The following TTC1 variants were observed in gnomAD, a reference collection of about 807,000 sequenced individuals.
TTC1 encodes the protein tetratricopeptide repeat domain 1.
TTC1 carries 31 observed loss-of-function variants against 37.6 expected under a neutral mutation model. That is an observed-to-expected ratio of 0.82 (90% confidence interval 0.62 to 1.11). TTC1 has a LOEUF of 1.11. TTC1 is among the 50% of genes most tolerant of loss of function. TTC1 has a pLI of 0.00. For synonymous variants in TTC1, 127 were observed against 122.4 expected (o/e 1.04, Z -0.25); for missense variants, 351 against 339.0 (o/e 1.04, Z -0.28).
At chr5:160,010,257 C>CAAAA (rs397882520) in intron 1 of TTC1, among the ~76,000 whole-genome samples, 15 of 50,250 alleles carry the variant, frequency 3.0e-4, no homozygotes, top group African/African-American at 3.9e-4. Context: ...GATTAAGTCT[C>CAAAA]AAAAAAAAAA....
chr5:160,060,372 C>A (rs10065759), intron 7 of TTC1, among the ~76,000 whole-genome samples: 1 of 152,014 alleles, frequency 6.6e-6, no homozygotes. Context: ...CAACTGAACC[C>A]AGTGGCAAGC....
intron 2 of TTC1, among the ~76,000 whole-genome samples, chr5:160,018,804 G>T (rs1030945979): frequency 2.0e-5 from 3 of 152,162 alleles, no homozygotes; most frequent in Non-Finnish European, 2.9e-5. Context: ...GCCCAATTAG[G>T]CTCTAATGCA....
At chr5:160,032,569 A>G (rs1023371555) in intron 2 of TTC1, among the ~76,000 whole-genome samples, 1 of 152,158 alleles carries the variant, frequency 6.6e-6, no homozygotes, top group Non-Finnish European at 1.5e-5. Context: ...TCTTAAATCT[A>G]GATTGAGTGA....
In TTC1 at chr5:160,031,085, A is replaced by G. The variant is rs536605977; in HGVS notation, c.331-4055A>G. 1.6e-3 allele frequency among the ~76,000 whole-genome samples: 238 copies of G among 152,224 alleles called. 3 individuals are homozygous for G. Among genetic ancestry groups the G allele is most frequent in the African/African-American group, 5.5e-3 (230 of 41,544 alleles). On this transcript the variant is annotated intron_variant, in intron 2 of 7. Coordinates refer to ENST00000231238, the MANE Select transcript of TTC1 (RefSeq NM_003314.3). ...GAAAGAATGTATTCAGCAGAAAAAA[A>G]CTCCAGTCTTTGTACTGGGATCATC...
In TTC1 at chr5:160,065,289, C is replaced by T. The variant is rs2113432736; in HGVS notation, c.*224C>T. 2 of 710,798 alleles carry T rather than the reference C, an allele frequency of 2.8e-6. No individual in the cohort carries two copies. Among genetic ancestry groups the T allele is most frequent in the Non-Finnish European group, 4.9e-6 (2 of 409,040 alleles). 44.0% of individuals were successfully genotyped at this position (710,798 alleles called of 1,614,324 possible). Reference sequence around the variant, plus strand: ...TTTCCATTTTAAGGTGGTGTCTGTGCAGCTGGTGTCCCCGATTCTGGCTGT... The same window carrying T: ...TTTCCATTTTAAGGTGGTGTCTGTGTAGCTGGTGTCCCCGATTCTGGCTGT... On this transcript the variant is annotated 3_prime_UTR_variant, in exon 8 of 8. Coordinates refer to ENST00000231238, the MANE Select transcript of TTC1 (RefSeq NM_003314.3).
At chr5:160,039,169 C>T (rs1319850559) in intron 4 of TTC1, 3 of 152,068 alleles carry the variant, frequency 2.0e-5, no homozygotes, top group Non-Finnish European at 2.9e-5. Flanking sequence ...CCCCTGGCCA[C>T]GCTTCACATT....
chr5:160,043,498 G>C (rs1274263314), intron 5 of TTC1, among the ~76,000 whole-genome samples: 1 of 152,170 alleles, frequency 6.6e-6, no homozygotes, highest in Non-Finnish European at 1.5e-5. Context: ...TCGGGAGGCT[G>C]AAGTGGATCA....
chr5:160,021,155 A>G (rs1756698373), intron 2 of TTC1, among the ~76,000 whole-genome samples: 1 of 152,154 alleles, frequency 6.6e-6, no homozygotes, highest in South Asian at 2.1e-4. Context: ...TTAACCATGC[A>G]CAGCCTGAGA....
intron 7 of TTC1, among the ~76,000 whole-genome samples, chr5:160,052,099 G>A (rs535877210): frequency 9.2e-5 from 14 of 152,318 alleles, no homozygotes; most frequent in Admixed American, 4.6e-4. Context: ...GGCCCCTGCC[G>A]GGTAGACTCA....
chr5:160,037,576 CATG>C (rs1333984292), intron 4 of TTC1, among the ~76,000 whole-genome samples: 3 of 152,132 alleles, frequency 2.0e-5, no homozygotes, highest in African/African-American at 7.2e-5. Context: ...ATTAGCCAGG[CATG>C]GTGGTGGGCA....
rs1043081341 is a variant in TTC1 at position 160,064,873 on chromosome 5, G to A, written c.746-59G>A. On this transcript the variant is annotated intron_variant, in intron 7 of 7. Transcript: ENST00000231238. ...CTCAGTGGTAAGGCAAGATTAATTG[G>A]TACCTTCCTGCTTCTGTTCATTCCT... 2.6e-5 allele frequency: 41 copies of A among 1,548,704 alleles called. No homozygotes were observed. The African/African-American group carries it at 4.2e-4, about 16-fold the overall frequency.
intron 4 of TTC1, among the ~76,000 whole-genome samples, chr5:160,040,889 C>T (rs1411155478): frequency 2.0e-5 from 3 of 151,826 alleles, no homozygotes; most frequent in African/African-American, 7.3e-5. Flanking sequence ...GAATTATAGG[C>T]GTGAGCTACT....
chr5:160,040,828 T>C (rs1177047908), intron 4 of TTC1, among the ~76,000 whole-genome samples: 1 of 152,012 alleles, frequency 6.6e-6, no homozygotes, highest in Admixed American at 6.5e-5. Flanking sequence ...CAGATTAGTC[T>C]TGAACTCCTG....
intron 4 of TTC1, among the ~76,000 whole-genome samples, chr5:160,042,885 A>T (rs1158347576): frequency 6.6e-6 from 1 of 152,266 alleles, no homozygotes; most frequent in East Asian, 1.9e-4. Context: ...CAGTTAGAAC[A>T]AAAGACACTT....
chr5:160,034,126 C>CTTTTTTT (rs978923159), intron 2 of TTC1, among the ~76,000 whole-genome samples: 2 of 114,560 alleles, frequency 1.7e-5, no homozygotes, highest in African/African-American at 3.2e-5. Context: ...GACCCTATCT[C>CTTTTTTT]TTTTTTTTTT....
chr5:160,035,187 G>A lies in TTC1; in HGVS notation c.378G>A (p.Gln126=). 1 of 1,606,412 alleles carries A rather than the reference G, an allele frequency of 6.2e-7. No homozygotes were observed. Among genetic ancestry groups the A allele is most frequent in the South Asian group, 1.1e-5 (1 of 89,234 alleles). Reference sequence around the variant, plus strand: ...GACTAAAGGAGGAGGGAAATGAACAGTTTAAGAAAGGAGGTAAGACGACTT... The same window carrying A: ...GACTAAAGGAGGAGGGAAATGAACAATTTAAGAAAGGAGGTAAGACGACTT... ...STRLKEEGNE[Q]FKKGDYIEAE... is the part of the protein sequence containing the mutation. The change falls in exon 3 of 8, where the codon CAG becomes CAA. Residue 126 remains glutamine (Q), a synonymous_variant. Transcript: ENST00000231238.
In TTC1 at chr5:160,051,109, G is replaced by A. The variant is rs1283911193; in HGVS notation, c.691-20G>A. The stretch of plus-strand genomic sequence containing the variant: ...TTTTTTTTTTTTTTTACCAACCCTT[G>A]TTTCTCCTCTTTTCCTCAGAGATTA... On this transcript the variant is annotated intron_variant, in intron 6 of 7. Coordinates refer to ENST00000231238, the MANE Select transcript of TTC1 (RefSeq NM_003314.3). The A allele has an allele frequency of 7.4e-7, 1 of 1,359,312 alleles. No individual in the cohort carries two copies. 84.2% of individuals were successfully genotyped at this position (1,359,312 alleles called of 1,614,324 possible).
At chr5:160,023,754 T>G in intron 2 of TTC1, 1 of 1,612,434 alleles carries the variant, frequency 6.2e-7, no homozygotes, top group South Asian at 1.1e-5. Flanking sequence ...TTCTTCTTTT[T>G]CTTCTTCTTT....
At chr5:160,022,155 T>C (rs1756721762) in intron 2 of TTC1, among the ~76,000 whole-genome samples, 1 of 152,252 alleles carries the variant, frequency 6.6e-6, no homozygotes, top group South Asian at 2.1e-4. Context: ...ATTTTTTAAA[T>C]GTATTTCATG....
Sources: allele counts gnomAD v4.1 joint callset (sites outside exome capture counted in the v4.1 genomes callset), GRCh38; gene constraint gnomAD v4.1.1; transcripts MANE v1.5; gene names NCBI Gene and HGNC (gene_info 2026-07-23, HGNC 2026-07-21).